Variants in DPRX observed in about 807,000 individuals in gnomAD.
The protein encoded by DPRX is divergent-paired related homeobox.
DPRX carries 11 observed loss-of-function variants against 8.4 expected under a neutral mutation model. The observed-to-expected ratio is 1.31, with a 90% CI of 0.82 to 2.17. DPRX has a LOEUF of 2.17. Ranked by LOEUF, DPRX falls within the 30% of genes most tolerant of loss-of-function variation. The pLI is 0.00. For missense variants in DPRX, 211 were observed against 236.7 expected, an observed-to-expected ratio of 0.89 and a Z score of 0.71; for synonymous variants, 72 against 87.0, an observed-to-expected ratio of 0.83 and a Z score of 0.96.
the DPRX span, among the ~76,000 whole-genome samples, chr19:53,602,997 ATATG>A: frequency 7.1e-6 from 1 of 141,704 alleles, no homozygotes; most frequent in Non-Finnish European, 1.5e-5. Context: ...TTGTGTGTGT[ATATG>A]TATGTGTGTG....
chr19:53,611,626 T>C, the DPRX span, among the ~76,000 whole-genome samples: 1 of 152,162 alleles, frequency 6.6e-6, no homozygotes, highest in Admixed American at 6.6e-5. Flanking sequence ...AAAAAAAACA[T>C]TGACAATGCT....
the DPRX span, among the ~76,000 whole-genome samples, chr19:53,609,748 GCCA>G: frequency 2.1e-5 from 1 of 48,296 alleles, no homozygotes. Context: ...ACTTTGGGAG[GCCA>G]AGGCGGGCAG....
chr19:53,611,683 G>A, the DPRX span, among the ~76,000 whole-genome samples: 1 of 152,206 alleles, frequency 6.6e-6, no homozygotes, highest in Non-Finnish European at 1.5e-5. Context: ...AATGCACTCT[G>A]TAGGCAAAGT....
intron 1 of DPRX, among the ~76,000 whole-genome samples, chr19:53,633,101 G>A (rs1051842239): frequency 1.3e-5 from 2 of 151,572 alleles, no homozygotes; most frequent in East Asian, 2.0e-4. Flanking sequence ...TTCAAGACCA[G>A]CCTGGGCAAC....
chr19:53,614,188 A>G, the DPRX span, among the ~76,000 whole-genome samples: 14 of 151,570 alleles, frequency 9.2e-5, no homozygotes, highest in South Asian at 2.1e-4. Flanking sequence ...CTGACCTCGT[A>G]ATCTGCCCGC....
chr19:53,620,783 G>A, the DPRX span, among the ~76,000 whole-genome samples: 2 of 151,966 alleles, frequency 1.3e-5, no homozygotes, highest in Non-Finnish European at 2.9e-5. Flanking sequence ...TAGTAGAGAC[G>A]GGTTTTCACC....
chr19:53,617,384 C>T, the DPRX span: 5 of 438,046 alleles, frequency 1.1e-5, no homozygotes, highest in Non-Finnish European at 2.1e-5. Flanking sequence ...CATGGTAAAA[C>T]CCCATCCCTA....
upstream of DPRX, among the ~76,000 whole-genome samples, chr19:53,630,633 G>A (rs997034513): frequency 6.6e-6 from 1 of 151,438 alleles, no homozygotes; most frequent in Non-Finnish European, 1.5e-5. Flanking sequence ...GACATAGCAA[G>A]ACCCTGTCTC....
intron 1 of DPRX, among the ~76,000 whole-genome samples, chr19:53,633,504 T>A (rs962316583): frequency 1.3e-5 from 2 of 150,028 alleles, no homozygotes; most frequent in African/African-American, 4.8e-5. Context: ...TACGTATTTA[T>A]TTATTTATTT....
At chr19:53,603,292 C>T in the DPRX span, 329 of 454,242 alleles carry the variant, frequency 7.2e-4, 1 homozygote, top group African/African-American at 5.8e-3. Flanking sequence ...ACTCCCTACT[C>T]GGCCCCCTGC....
At chr19:53,601,694 C>G in the DPRX span, among the ~76,000 whole-genome samples, 1 of 152,040 alleles carries the variant, frequency 6.6e-6, no homozygotes, top group Non-Finnish European at 1.5e-5. Context: ...GTTGGTCAGG[C>G]TGGTCCCGAA....
At chr19:53,609,488 A>C in the DPRX span, among the ~76,000 whole-genome samples, 317 of 149,970 alleles carry the variant, frequency 2.1e-3, 4 homozygotes, top group South Asian at 0.027. Flanking sequence ...AAAAAAAAAA[A>C]AAAAAAAAAC....
the DPRX span, among the ~76,000 whole-genome samples, chr19:53,613,991 G>A: frequency 1.3e-5 from 2 of 149,166 alleles, no homozygotes; most frequent in Non-Finnish European, 3.0e-5. Flanking sequence ...TCACTCTGTT[G>A]CCCAGGCTGG....
upstream of DPRX, among the ~76,000 whole-genome samples, chr19:53,628,717 G>C (rs1454783292): frequency 6.6e-6 from 1 of 151,834 alleles, no homozygotes; most frequent in Non-Finnish European, 1.5e-5. Context: ...AGCTTCCCGA[G>C]TAGCTGGGAT....
upstream of DPRX, among the ~76,000 whole-genome samples, chr19:53,628,659 C>T (rs897035155): frequency 1.3e-5 from 2 of 151,884 alleles, no homozygotes; most frequent in African/African-American, 4.8e-5. Context: ...ACACGATCTC[C>T]ACTCACCGCC....
At chr19:53,618,422 G>A in the DPRX span, among the ~76,000 whole-genome samples, 1 of 151,572 alleles carries the variant, frequency 6.6e-6, no homozygotes, top group Middle Eastern at 3.4e-3. Context: ...ACAATAACAT[G>A]TATGAAAGGA....
At chr19:53,618,615 T>TAAAAA in the DPRX span, among the ~76,000 whole-genome samples, 1 of 102,822 alleles carries the variant, frequency 9.7e-6, no homozygotes, top group Non-Finnish European at 1.9e-5. Flanking sequence ...ACCCCATCTC[T>TAAAAA]AAAAAAAAAA....
the DPRX span, chr19:53,601,989 C>T: frequency 1.5e-5 from 7 of 455,540 alleles, no homozygotes; most frequent in East Asian, 4.9e-4. Context: ...GGACATAAGG[C>T]CACCTACCTT....
chr19:53,630,757 A>T (rs917677711), upstream of DPRX, among the ~76,000 whole-genome samples: 1 of 152,082 alleles, frequency 6.6e-6, no homozygotes, highest in Non-Finnish European at 1.5e-5. Flanking sequence ...AAAAACTGCC[A>T]CTTCTGTGAA....
Sources: allele counts gnomAD v4.1 joint callset (sites outside exome capture counted in the v4.1 genomes callset), GRCh38; gene constraint gnomAD v4.1.1; transcripts MANE v1.5; gene names NCBI Gene and HGNC (gene_info 2026-07-23, HGNC 2026-07-21).